COL15A1: variants seen among roughly 807,000 people sequenced by gnomAD.
COL15A1 encodes collagen type XV alpha 1 chain, also known as collagen alpha-1(XV) chain.
Under a neutral mutation model 165.9 loss-of-function variants are expected in COL15A1, and 111 were observed. The observed-to-expected ratio is 0.67, with a 90% CI of 0.57 to 0.78. The LOEUF (loss-of-function observed/expected upper bound fraction) is 0.78. Among genes scored for constraint, COL15A1 ranks in the 30% least tolerant of loss-of-function variants. The probability of loss-of-function intolerance (pLI) is 0.00; values close to 1 mark genes in which losing one functional copy is unlikely to be tolerated. For synonymous variants in COL15A1, 659 were observed against 674.8 expected (o/e 0.98, Z 0.36); for missense variants, 1,745 against 1,789.7 (o/e 0.98, Z 0.45).
At chr9:99,028,599 G>A (rs1223222793) in intron 16 of COL15A1, among the ~76,000 whole-genome samples, 8 of 152,068 alleles carry the variant, frequency 5.3e-5, no homozygotes, top group Admixed American at 3.9e-4. Context: ...GCAGTGAACC[G>A]AGATCGCGCC....
Position 98,989,149 on chromosome 9 carries a change from GGTGTGTGGCACA to G in COL15A1, c.724-26_724-15del. 1 of 1,586,694 alleles carries G rather than the reference GGTGTGTGGCACA, an allele frequency of 6.3e-7. No homozygotes were observed. The highest frequency in any genetic ancestry group is 8.7e-7 in the Non-Finnish European group (1 of 1,155,312). On this transcript the variant is annotated splice_polypyrimidine_tract_variant and intron_variant, in intron 4 of 41. Coordinates refer to ENST00000375001, the MANE Select transcript of COL15A1 (RefSeq NM_001855.5). ...CTTATGGGCCCTGCCCGCTCTGCCC[GGTGTGTGGCACA>G]GTTTGTCTCCACACAGGCATCTGGA...
At chr9:98,964,493 G>A (rs1011450886) in intron 2 of COL15A1, among the ~76,000 whole-genome samples, 11 of 152,318 alleles carry the variant, frequency 7.2e-5, no homozygotes, top group Admixed American at 6.5e-4. Context: ...GCACAACTGA[G>A]CAGGAAAGTC....
intron 16 of COL15A1, among the ~76,000 whole-genome samples, chr9:99,030,075 C>A (rs939600484): frequency 3.6e-4 from 55 of 152,172 alleles, no homozygotes; most frequent in Non-Finnish European, 1.0e-4. Context: ...AAAAAGAATC[C>A]TCATCTCCAT....
chr9:99,015,895 A>C (rs1838925938), intron 10 of COL15A1, 81 bp from the exon 11 acceptor site: 1 of 1,532,742 alleles, frequency 6.5e-7, no homozygotes, highest in Non-Finnish European at 8.9e-7. Context: ...CTGGGCTGGC[A>C]CCACAGAAAC....
intron 2 of COL15A1, among the ~76,000 whole-genome samples, chr9:98,962,548 TG>T (rs1414502561): frequency 3.3e-5 from 5 of 152,160 alleles, no homozygotes; most frequent in Non-Finnish European, 7.3e-5. Context: ...ATGTTTGGAG[TG>T]GAATTCAAAA....
intron 15 of COL15A1, 135 bp from the exon 16 acceptor site, chr9:99,025,755 AAGGACTAGGTTCCT>A: frequency 1.3e-6 from 1 of 761,660 alleles, no homozygotes; most frequent in African/African-American, 1.7e-5. Context: ...AGCCTGGGCC[AAGGACTAGGTTCCT>A]GCCTTGCACC....
chr9:98,987,100 G>T lies in COL15A1; in HGVS notation c.649-194G>T, dbSNP rs545310461. 7.2e-5 allele frequency among the ~76,000 whole-genome samples: 11 copies of T among 152,254 alleles called. No individual in the cohort carries two copies. The South Asian group carries it at 2.3e-3, about 32-fold the overall frequency. On this transcript the variant is annotated intron_variant, in intron 3 of 41. Transcript: ENST00000375001. ...TGGCCCAGGGGTCAGTATGATACTGGCCCAAGGAGAGTCCCCCCATAACTG... is the reference window on the plus strand; with the variant it reads ...TGGCCCAGGGGTCAGTATGATACTGTCCCAAGGAGAGTCCCCCCATAACTG...
At chr9:99,009,399 T>TA (rs1280222767) in intron 9 of COL15A1, among the ~76,000 whole-genome samples, 16 of 152,368 alleles carry the variant, frequency 1.1e-4, no homozygotes, top group Non-Finnish European at 1.9e-4. Context: ...TATGTAAATA[T>TA]AATCCAAAGA....
intron 16 of COL15A1, among the ~76,000 whole-genome samples, chr9:99,032,689 A>G (rs1478611340): frequency 3.3e-5 from 5 of 152,076 alleles, no homozygotes; most frequent in East Asian, 3.9e-4. Flanking sequence ...TGTGGCTTCT[A>G]TCTCTCTTAC....
chr9:99,008,683 C>T (rs1838801174), intron 9 of COL15A1, among the ~76,000 whole-genome samples: 1 of 152,128 alleles, frequency 6.6e-6, no homozygotes, highest in African/African-American at 2.4e-5. Flanking sequence ...GATCTTGGCT[C>T]ACTGCAACCT....
chr9:99,050,754 A>G (rs1305270648), intron 30 of COL15A1, among the ~76,000 whole-genome samples: 1 of 152,250 alleles, frequency 6.6e-6, no homozygotes, highest in African/African-American at 2.4e-5. Flanking sequence ...AGGAGCTTGC[A>G]AATTACAATT....
At chr9:98,963,989 C>T (rs1184201757) in intron 2 of COL15A1, among the ~76,000 whole-genome samples, 1 of 152,236 alleles carries the variant, frequency 6.6e-6, no homozygotes, top group Admixed American at 6.5e-5. Flanking sequence ...TTGCCCTGTG[C>T]CACCACCCTG....
intron 31 of COL15A1, 133 bp from the exon 32 acceptor site, chr9:99,054,443 T>C: frequency 1.1e-6 from 1 of 895,374 alleles, no homozygotes; most frequent in South Asian, 1.9e-5. Context: ...TTACACTTGC[T>C]GATCTCTCAG....
At position 99,068,629 on chromosome 9, in the gene COL15A1, A is replaced by G. The variant is rs41313325; in HGVS notation, c.3912A>G (p.Ile1304Met). 6,324 of 1,560,296 alleles carry G rather than the reference A, an allele frequency of 4.1e-3. 27 individuals are homozygous for G. Among genetic ancestry groups the G allele is most frequent in the Non-Finnish European group, 4.9e-3 (5,746 of 1,162,140 alleles). Reference sequence around the variant, plus strand: ...GTCAGTTCAATATGCATATTCCAATATACTCCTTTGATGGTCGAGACATAA... The same window carrying G: ...GTCAGTTCAATATGCATATTCCAATGTACTCCTTTGATGGTCGAGACATAA... ...HGGQFNMHIPIYSFDGRDIMT... is the reference protein window; with the variant it reads ...HGGQFNMHIPMYSFDGRDIMT... The change falls in exon 41 of 42, where the codon ATA becomes ATG. Residue 1304 changes from isoleucine (I) to methionine (M), a missense_variant. Coordinates refer to ENST00000375001, the MANE Select transcript of COL15A1 (RefSeq NM_001855.5).
chr9:99,036,258 G>A, intron 20 of COL15A1, 53 bp downstream of exon 20: 1 of 1,613,812 alleles, frequency 6.2e-7, no homozygotes, highest in African/African-American at 1.3e-5. Context: ...CCTGGTTCTG[G>A]GAGCATTATC....
intron 19 of COL15A1, 118 bp downstream of exon 19, chr9:99,035,536 C>A: frequency 8.2e-7 from 1 of 1,224,688 alleles, no homozygotes; most frequent in Non-Finnish European, 1.2e-6. Flanking sequence ...TCTGTGCCTC[C>A]AGCCCCCAAC....
Position 99,068,462 on chromosome 9 carries a change from T to C in COL15A1, c.3838-93T>C, listed in dbSNP as rs1825931470. ...CCTGGCTGGATGACAAAAGCGAAAC[T>C]GTGTCAAAAAAAAAAAAAAAAAAAG... is the stretch of plus-strand genomic sequence containing the variant. On this transcript the variant is annotated intron_variant, in intron 40 of 41. Transcript: ENST00000375001. The C allele has an allele frequency of 7.6e-6, 4 of 529,648 alleles. No homozygotes were observed. In the East Asian group the frequency reaches 1.6e-4, roughly 21 times the overall value. 32.8% of individuals were successfully genotyped at this position (529,648 alleles called of 1,614,324 possible).
chr9:99,014,152 C>G (rs773834196), intron 9 of COL15A1, among the ~76,000 whole-genome samples: 1 of 152,120 alleles, frequency 6.6e-6, no homozygotes, highest in African/African-American at 2.4e-5. Flanking sequence ...TTACTGAGCA[C>G]TTTAATAGTA....
chr9:99,064,729 T>C (rs1397990982), intron 39 of COL15A1, among the ~76,000 whole-genome samples: 1 of 152,120 alleles, frequency 6.6e-6, no homozygotes, highest in East Asian at 1.9e-4. Flanking sequence ...AACCAAAAGG[T>C]GTCCTTCAAA....
Sources: gnomAD v4.1 joint callset for allele counts (sites outside exome capture counted in the v4.1 genomes callset) on GRCh38, gnomAD v4.1.1 for gene constraint, MANE v1.5 for transcripts, NCBI Gene and HGNC (gene_info 2026-07-23, HGNC 2026-07-21) for gene names.